TSPAN19: variants seen among roughly 807,000 people sequenced by gnomAD.
The protein encoded by TSPAN19 is tetraspanin 19, also known as tetraspanin-19.
In TSPAN19, 44 loss-of-function variants were observed where a neutral mutation model predicts 35.1. That is an observed-to-expected ratio of 1.25 (90% confidence interval 0.98 to 1.61). The LOEUF is 1.61. Among genes scored for constraint, TSPAN19 ranks in the 40% most tolerant of loss-of-function variants. TSPAN19 has a pLI of 0.00. For missense variants in TSPAN19, 290 were observed against 280.0 expected (o/e 1.04, Z -0.26); for synonymous variants, 79 against 92.0 (o/e 0.86, Z 0.81).
rs1750445230 is a variant in TSPAN19 at position 85,023,384 on chromosome 12, G to A, written c.281C>T (p.Thr94Ile). Residue 94 changes from threonine (T) to isoleucine (I), a missense_variant, in exon 5 of 9, where the codon ACA becomes ATA. By Grantham distance (89) the Thr-to-Ile change is moderately conservative (BLOSUM62 -1). Coordinates refer to ENST00000532498, the MANE Select transcript of TSPAN19 (RefSeq NM_001100917.2). ...WLLIVYAVLITWTFAVQVVLS... is the reference protein window; with the variant it reads ...WLLIVYAVLIIWTFAVQVVLS... ...TACAACCTGAACAGCAAAGGTCCAT[G>A]TTATCAATACTGCATACTAAAACAA... 1.9e-6 allele frequency: 3 copies of A among 1,585,224 alleles called. No individual in the cohort carries two copies. Among genetic ancestry groups the A allele is most frequent in the South Asian group, 2.3e-5 (2 of 86,496 alleles).
At chr12:85,021,749 G>A (rs1284396714) in intron 5 of TSPAN19, among the ~76,000 whole-genome samples, 2 of 152,214 alleles carry the variant, frequency 1.3e-5, no homozygotes, top group Middle Eastern at 3.4e-3. Flanking sequence ...GAATGCAGAA[G>A]ACAAATTGAT....
At chr12:85,027,827 G>C (rs1353690098) in intron 4 of TSPAN19, 72 bp downstream of exon 4, 22 of 1,397,356 alleles carry the variant, frequency 1.6e-5, no homozygotes, top group Admixed American at 2.4e-5. Flanking sequence ...ATATAAATCA[G>C]TATTCATTTG....
At chr12:85,017,425 A>C (rs1458426339) in intron 7 of TSPAN19, 31 bp downstream of exon 7, 1 of 1,575,562 alleles carries the variant, frequency 6.3e-7, no homozygotes, top group Non-Finnish European at 8.6e-7. Flanking sequence ...AAATACTATA[A>C]ATACTTGTAG....
chr12:85,017,696 T>G, intron 6 of TSPAN19, 97 bp from the exon 7 acceptor site: 4 of 882,254 alleles, frequency 4.5e-6, no homozygotes, highest in Non-Finnish European at 6.7e-6. Flanking sequence ...TGAAGATAAC[T>G]CATTAATTTT....
At chr12:85,015,672 T>TA in intron 8 of TSPAN19, 1 of 415,350 alleles carries the variant, frequency 2.4e-6, no homozygotes, top group Non-Finnish European at 4.2e-6. Flanking sequence ...TACATAGTAA[T>TA]AAAATCACTA....
chr12:85,031,420 T>G (rs1441254811), intron 1 of TSPAN19, among the ~76,000 whole-genome samples: 1 of 152,114 alleles, frequency 6.6e-6, no homozygotes, highest in Non-Finnish European at 1.5e-5. Flanking sequence ...GCACAAGGTC[T>G]TGGCCCCTGT....
At chr12:85,031,659 T>C (rs550738165) in intron 1 of TSPAN19, among the ~76,000 whole-genome samples, 20 of 152,292 alleles carry the variant, frequency 1.3e-4, no homozygotes, top group African/African-American at 3.8e-4. Flanking sequence ...GTTAGAAACT[T>C]GGAGCTAACT....
Position 85,029,747 on chromosome 12 carries a change from TA to T in TSPAN19, c.110del (p.Leu37Ter), listed in dbSNP as rs1272034273. 3.2e-6 allele frequency: 5 copies of T among 1,539,922 alleles called. No homozygotes were observed. Among genetic ancestry groups the T allele is most frequent in the Non-Finnish European group, 4.4e-6 (5 of 1,144,202 alleles). ...LFMGFGAWLL[L>X]DRNNFLTAFD... is the part of the protein sequence containing the mutation. ...AAGCTGTTAAAAAATTATTTCTATCTAATAAGAGCCATGCACCAAATCCCAT... is the reference window on the plus strand; with the variant it reads ...AAGCTGTTAAAAAATTATTTCTATCTATAAGAGCCATGCACCAAATCCCAT... On this transcript the variant is annotated frameshift_variant, in exon 3 of 9. Transcript: ENST00000532498. LOFTEE classifies it high-confidence loss of function.
At chr12:85,030,287 T>G (rs1384832228) in intron 1 of TSPAN19, among the ~76,000 whole-genome samples, 1 of 152,142 alleles carries the variant, frequency 6.6e-6, no homozygotes, top group African/African-American at 2.4e-5. Flanking sequence ...TTTCAAAAAG[T>G]ATAAGATATT....
At position 85,021,404 on chromosome 12, in the gene TSPAN19, A is replaced by G. The variant is rs1224012751; in HGVS notation, c.340-1668T>C. ...TAATACATTTAAGAAGATTAGAATA[A>G]TGAAAAGGAGATTTTAGATCTACTT... On this transcript the variant is annotated intron_variant, in intron 5 of 8. Transcript: ENST00000532498. Among the ~76,000 whole-genome samples the G allele has an allele frequency of 2.6e-5, 4 of 152,180 alleles. No homozygotes were observed. The East Asian group carries it at 5.8e-4, about 22-fold the overall frequency.
chr12:85,030,796 G>C (rs1877649122), intron 1 of TSPAN19, among the ~76,000 whole-genome samples: 1 of 151,942 alleles, frequency 6.6e-6, no homozygotes, highest in Admixed American at 6.6e-5. Flanking sequence ...TTGGTTTTTG[G>C]TGCTGGTTTC....
At chr12:85,017,137 C>T (rs1392092115) in intron 7 of TSPAN19, 1 of 260,598 alleles carries the variant, frequency 3.8e-6, no homozygotes, top group Non-Finnish European at 7.2e-6. Context: ...ATCTTATGCA[C>T]CAAGGCTTTG....
intron 7 of TSPAN19, chr12:85,016,795 C>G (rs909310805): frequency 3.3e-5 from 5 of 151,418 alleles, no homozygotes; most frequent in African/African-American, 1.2e-4. Flanking sequence ...GTATATATCA[C>G]CACATAAAAT....
chr12:85,022,163 CT>C (rs1877162621), intron 5 of TSPAN19, among the ~76,000 whole-genome samples: 1 of 151,856 alleles, frequency 6.6e-6, no homozygotes, highest in Non-Finnish European at 1.5e-5. Context: ...AGCAAAGCAG[CT>C]TTCCAAAACT....
chr12:85,014,695 G>A, intron 8 of TSPAN19, 140 bp from the exon 9 acceptor site: 1 of 588,088 alleles, frequency 1.7e-6, no homozygotes, highest in Non-Finnish European at 3.0e-6. Context: ...TCAGAATAAG[G>A]TACATACAGT....
At chr12:85,023,539 C>A in intron 4 of TSPAN19, 139 bp from the exon 5 acceptor site, 22 of 558,026 alleles carry the variant, frequency 3.9e-5, no homozygotes, top group East Asian at 9.4e-5. Flanking sequence ...CCTGCCTTCA[C>A]AAATATGAAT....
At position 85,019,356 on chromosome 12, in the gene TSPAN19, T is replaced by C. The variant is rs530299395; in HGVS notation, c.450+270A>G. Among the ~76,000 whole-genome samples, 4 of 152,046 alleles carry C rather than the reference T, an allele frequency of 2.6e-5. No individual in the cohort carries two copies. The South Asian group carries it at 6.2e-4, about 24-fold the overall frequency. ...TCCCATCAGGTGCAGCAGGATAGACTATCCCACTTGGCAAAAGACCAGCAG... is the reference window on the plus strand; with the variant it reads ...TCCCATCAGGTGCAGCAGGATAGACCATCCCACTTGGCAAAAGACCAGCAG... On this transcript the variant is annotated intron_variant, in intron 6 of 8. Coordinates refer to ENST00000532498, the MANE Select transcript of TSPAN19 (RefSeq NM_001100917.2).
rs1592666234 is a variant in TSPAN19 at position 85,028,128 on chromosome 12, G to A, written c.140-105C>T. On this transcript the variant is annotated intron_variant, in intron 3 of 8. Transcript: ENST00000532498. ...AATTGCAGCAATCAAAAGTTTTTCT[G>A]AGCAGCTGTTGCCAAACCACTAGGA... 4.1e-6 allele frequency: 4 copies of A among 973,820 alleles called. No individual in the cohort carries two copies. In the East Asian group the frequency reaches 9.3e-5, roughly 23 times the overall value. 60.3% of individuals were successfully genotyped at this position (973,820 alleles called of 1,614,324 possible). A position where few individuals can be genotyped will look rare whatever the true frequency, so the allele number is the denominator to read the frequency against.
chr12:85,028,947 T>C (rs1877554380), intron 3 of TSPAN19, among the ~76,000 whole-genome samples: 1 of 152,186 alleles, frequency 6.6e-6, no homozygotes, highest in Non-Finnish European at 1.5e-5. Context: ...ATAGGCTTTA[T>C]TGGTCATTGT....
Sources: allele counts gnomAD v4.1 joint callset (sites outside exome capture counted in the v4.1 genomes callset), GRCh38; gene constraint gnomAD v4.1.1; transcripts MANE v1.5; gene names NCBI Gene and HGNC (gene_info 2026-07-23, HGNC 2026-07-21).